Variants in RTN1 observed in about 807,000 individuals in gnomAD.
The protein encoded by RTN1 is reticulon-1.
A neutral mutation model predicts 65.5 loss-of-function variants in RTN1; 25 were observed. The ratio of observed to expected loss-of-function variants is 0.38; its 90% CI spans 0.28 to 0.53. The LOEUF (loss-of-function observed/expected upper bound fraction) is 0.53, where lower values mean the gene tolerates loss of function less well. RTN1 is among the 20% of genes least tolerant of loss of function. RTN1 has a pLI of 0.79. For missense variants in RTN1, 983 were observed against 1,025.4 expected (o/e 0.96, Z 0.57); for synonymous variants, 471 against 447.6 (o/e 1.05, Z -0.66).
chr14:59,837,080 A>G (rs1887225578), intron 1 of RTN1, among the ~76,000 whole-genome samples: 1 of 151,984 alleles, frequency 6.6e-6, no homozygotes, highest in Non-Finnish European at 1.5e-5. Context: ...AATATAACAT[A>G]TCATCAAGCT....
intron 3 of RTN1, among the ~76,000 whole-genome samples, chr14:59,686,258 G>T (rs540034287): frequency 6.6e-6 from 1 of 152,114 alleles, no homozygotes; most frequent in African/African-American, 2.4e-5. Flanking sequence ...ACTGGCCTGG[G>T]CGATTATTTT....
chr14:59,658,041 C>T (rs192298203), intron 3 of RTN1, among the ~76,000 whole-genome samples: 30 of 152,310 alleles, frequency 2.0e-4, no homozygotes, highest in East Asian at 7.7e-4. Flanking sequence ...CGACCTGGGA[C>T]GCTTCAGGTT....
At chr14:59,715,646 T>C (rs1470707573) in intron 3 of RTN1, among the ~76,000 whole-genome samples, 2 of 151,944 alleles carry the variant, frequency 1.3e-5, no homozygotes, top group Non-Finnish European at 2.9e-5. Context: ...GCCAAAATGG[T>C]GAAACCCCAT....
intron 8 of RTN1, among the ~76,000 whole-genome samples, chr14:59,598,025 G>A (rs1463856875): frequency 6.6e-6 from 1 of 152,130 alleles, no homozygotes; most frequent in Non-Finnish European, 1.5e-5. Flanking sequence ...TTAGGCAGGG[G>A]AGTGACGTGA....
At chr14:59,839,527 G>A (rs1887272888) in intron 1 of RTN1, among the ~76,000 whole-genome samples, 1 of 152,086 alleles carries the variant, frequency 6.6e-6, no homozygotes, top group South Asian at 2.1e-4. Flanking sequence ...CAGGTTAACT[G>A]TTTGACTATT....
intron 3 of RTN1, among the ~76,000 whole-genome samples, chr14:59,665,639 A>C (rs745927246): frequency 1.3e-5 from 2 of 152,212 alleles, no homozygotes; most frequent in Non-Finnish European, 2.9e-5. Context: ...TAAAAGACAC[A>C]GACTGGCAAA....
intron 3 of RTN1, among the ~76,000 whole-genome samples, chr14:59,668,037 T>C (rs1478999973): frequency 6.6e-6 from 1 of 152,094 alleles, no homozygotes; most frequent in Non-Finnish European, 1.5e-5. Flanking sequence ...CCCAAAGTAA[T>C]TTATAGATTC....
intron 1 of RTN1, among the ~76,000 whole-genome samples, chr14:59,867,571 T>C (rs1354350021): frequency 1.3e-5 from 2 of 152,226 alleles, no homozygotes; most frequent in Non-Finnish European, 2.9e-5. Context: ...TTTAAACTTA[T>C]ATTCATTCCA....
intron 5 of RTN1, 144 bp from the exon 6 acceptor site, chr14:59,604,065 A>C (rs1881667427): frequency 1.9e-6 from 1 of 534,616 alleles, no homozygotes. Flanking sequence ...AAAGCTCATC[A>C]CAGAATCAAT....
At chr14:59,640,563 C>T (rs1882755886) in intron 3 of RTN1, among the ~76,000 whole-genome samples, 1 of 152,150 alleles carries the variant, frequency 6.6e-6, no homozygotes, top group African/African-American at 2.4e-5. Context: ...GATCTGCCTG[C>T]CTCGGCCTCC....
At chr14:59,807,641 C>G (rs140022197) in intron 1 of RTN1, among the ~76,000 whole-genome samples, 12 of 152,250 alleles carry the variant, frequency 7.9e-5, no homozygotes, top group African/African-American at 2.9e-4. Context: ...AAGGAGTAAC[C>G]CTGAGTCATA....
At position 59,599,077 on chromosome 14, in the gene RTN1, CTTGCA is replaced by C. The variant is rs796864025; in HGVS notation, c.2289-2295_2289-2291del. 2.6e-5 allele frequency among the ~76,000 whole-genome samples: 4 copies of C among 152,228 alleles called. No individual in the cohort carries two copies. The South Asian group carries it at 6.2e-4, about 24-fold the overall frequency. The stretch of plus-strand genomic sequence containing the variant: ...TGTACTCCTACTAATAACAACTCAA[CTTGCA>C]TTGATTTTTTAAAGATGCTTCAGCA... On this transcript the variant is annotated intron_variant, in intron 8 of 8. Transcript: ENST00000267484.
At chr14:59,603,329 T>C in intron 6 of RTN1, 71 bp from the exon 7 acceptor site, 2 of 1,102,186 alleles carry the variant, frequency 1.8e-6, no homozygotes, top group East Asian at 2.4e-5. Context: ...GACACATTTT[T>C]ATATGGTTAT....
chr14:59,662,790 C>G (rs535048297), intron 3 of RTN1, among the ~76,000 whole-genome samples: 39 of 152,212 alleles, frequency 2.6e-4, no homozygotes, highest in Admixed American at 5.9e-4. Flanking sequence ...TGGAAAAACA[C>G]TCCATGCTCA....
intron 3 of RTN1, among the ~76,000 whole-genome samples, chr14:59,682,063 T>C (rs890590130): frequency 3.9e-5 from 6 of 152,224 alleles, no homozygotes; most frequent in African/African-American, 4.8e-5. Flanking sequence ...AGATCCAGCA[T>C]GTGCTTTTTA....
rs529640887 is a variant in RTN1 at position 59,622,725 on chromosome 14, A to T, written c.1766-15233T>A. ...AAAACAGAAGTAGATGTAAACATAG[A>T]GACCTTCAAAGATGACATCTTCTAG... is the stretch of plus-strand genomic sequence containing the variant. On this transcript the variant is annotated intron_variant, in intron 3 of 8. Transcript: ENST00000267484. Among the ~76,000 whole-genome samples the T allele has an allele frequency of 3.5e-4, 54 of 152,352 alleles. 2 individuals carry two copies. In the South Asian group the frequency reaches 0.011, roughly 30 times the overall value.
rs1285411560 is a variant in RTN1, at chr14:59,818,965, G to A, written c.241+51425C>T. Among the ~76,000 whole-genome samples the A allele has an allele frequency of 3.3e-5, 5 of 152,190 alleles. No homozygotes were observed. The South Asian group carries it at 8.3e-4, about 25-fold the overall frequency. On this transcript the variant is annotated intron_variant, in intron 1 of 8. Coordinates refer to ENST00000267484, the MANE Select transcript of RTN1 (RefSeq NM_021136.3). ...GAGTGTTAAAGCTCTTAAAGGCAGC[G>A]CGTCTGGAATTGTCCGTTCCTTCCA...
intron 3 of RTN1, among the ~76,000 whole-genome samples, chr14:59,722,901 G>C (rs1337022848): frequency 6.6e-6 from 1 of 151,532 alleles, no homozygotes; most frequent in African/African-American, 2.4e-5. Flanking sequence ...GGGCTCAAGT[G>C]ATCCTCCCAC....
At chr14:59,801,885 G>C (rs1886553419) in intron 1 of RTN1, among the ~76,000 whole-genome samples, 1 of 152,120 alleles carries the variant, frequency 6.6e-6, no homozygotes, top group African/African-American at 2.4e-5. Context: ...GTGTTCGTGG[G>C]TAACACAGGA....
Sources: allele counts gnomAD v4.1 joint callset (sites outside exome capture counted in the v4.1 genomes callset), GRCh38; gene constraint gnomAD v4.1.1; transcripts MANE v1.5; gene names NCBI Gene and HGNC (gene_info 2026-07-23, HGNC 2026-07-21).